PITPNC1: variants seen among roughly 807,000 people sequenced by gnomAD.
PITPNC1 encodes cytoplasmic phosphatidylinositol transfer protein 1.
PITPNC1 carries 18 observed loss-of-function variants against 44.7 expected under a neutral mutation model. The observed-to-expected ratio is 0.40, with a 90% CI of 0.28 to 0.60. The LOEUF (loss-of-function observed/expected upper bound fraction) is 0.60, where lower values mean the gene tolerates loss of function less well. PITPNC1 is among the 20% of genes least tolerant of loss of function. The pLI, the probability that PITPNC1 is intolerant of heterozygous loss-of-function variation, is 0.39. For synonymous variants in PITPNC1, 141 were observed against 149.6 expected (o/e 0.94, Z 0.42); for missense variants, 290 against 418.4 (o/e 0.69, Z 2.68).
chr17:67,513,230 G>A (rs766661933), intron 1 of PITPNC1, among the ~76,000 whole-genome samples: 3 of 151,884 alleles, frequency 2.0e-5, no homozygotes, highest in South Asian at 4.2e-4. Flanking sequence ...CAGGCATGGC[G>A]GCGGGCGACT....
At chr17:67,404,607 T>C (rs2038369373) in intron 1 of PITPNC1, among the ~76,000 whole-genome samples, 1 of 152,210 alleles carries the variant, frequency 6.6e-6, no homozygotes, top group South Asian at 2.1e-4. Flanking sequence ...CCTGCATCCA[T>C]CCTGAGTTCT....
intron 5 of PITPNC1, among the ~76,000 whole-genome samples, chr17:67,607,810 C>A (rs760829748): frequency 6.4e-4 from 97 of 151,246 alleles, no homozygotes; most frequent in Non-Finnish European, 1.1e-3. Context: ...CTCACTGCAA[C>A]CTCTGCCTCC....
At position 67,604,913 on chromosome 17, in the gene PITPNC1, C is replaced by T. The variant is rs1321848874; in HGVS notation, c.366+26656C>T. 2.6e-5 allele frequency among the ~76,000 whole-genome samples: 4 copies of T among 152,060 alleles called. No homozygotes were observed. In the East Asian group the frequency reaches 7.7e-4, roughly 29 times the overall value. On this transcript the variant is annotated intron_variant, in intron 5 of 8. Transcript: ENST00000581322. ...TGGCCAACATCATGAAGCCCCATCT[C>T]TACTAAAAATAAAAAATTAGCTGGG...
intron 5 of PITPNC1, among the ~76,000 whole-genome samples, chr17:67,616,969 G>A (rs1338856629): frequency 6.6e-6 from 1 of 152,130 alleles, no homozygotes; most frequent in Non-Finnish European, 1.5e-5. Context: ...GACCTTTGGG[G>A]TGGGCAGAGA....
At chr17:67,691,060 G>A (rs751978555) in intron 8 of PITPNC1, among the ~76,000 whole-genome samples, 8 of 151,894 alleles carry the variant, frequency 5.3e-5, no homozygotes, top group Non-Finnish European at 8.8e-5. Flanking sequence ...CCAAGATCAC[G>A]CCATTGCACT....
intron 2 of PITPNC1, among the ~76,000 whole-genome samples, chr17:67,551,452 G>A (rs1273321608): frequency 2.0e-5 from 3 of 152,124 alleles, no homozygotes; most frequent in Non-Finnish European, 2.9e-5. Flanking sequence ...AATCTGTCCC[G>A]GGCCTCTGTC....
At chr17:67,441,588 T>C (rs2143923273) in intron 1 of PITPNC1, among the ~76,000 whole-genome samples, 1 of 152,326 alleles carries the variant, frequency 6.6e-6, no homozygotes, top group Non-Finnish European at 1.5e-5. Flanking sequence ...ACAACACTTT[T>C]GTCAGCCTTT....
At chr17:67,422,800 A>G (rs1236778133) in intron 1 of PITPNC1, among the ~76,000 whole-genome samples, 2 of 152,088 alleles carry the variant, frequency 1.3e-5, no homozygotes, top group African/African-American at 2.4e-5. Flanking sequence ...CAGCCTCCCA[A>G]AGTGCTGGGA....
At chr17:67,558,024 C>T (rs1176433300) in intron 4 of PITPNC1, among the ~76,000 whole-genome samples, 2 of 152,122 alleles carry the variant, frequency 1.3e-5, no homozygotes, top group African/African-American at 4.8e-5. Context: ...AAGCATTAGT[C>T]CAGAGCACGA....
At chr17:67,537,183 T>C (rs1420668700) in intron 2 of PITPNC1, among the ~76,000 whole-genome samples, 1 of 152,220 alleles carries the variant, frequency 6.6e-6, no homozygotes, top group Non-Finnish European at 1.5e-5. Flanking sequence ...TTAAGGATGC[T>C]TGTTATTACC....
intron 6 of PITPNC1, among the ~76,000 whole-genome samples, chr17:67,647,243 A>T (rs2042158341): frequency 6.6e-6 from 1 of 152,148 alleles, no homozygotes; most frequent in Non-Finnish European, 1.5e-5. Context: ...CTGTAAAAAA[A>T]ACCAAAAACT....
rs904957286 is a variant in PITPNC1 at position 67,434,000 on chromosome 17, C to T, written c.48+55798C>T. ...GGGTGGTCAGGATGGGGCAAGGGGC[C>T]GAGACCACAAATGGTCCTGCTCCTG... On this transcript the variant is annotated intron_variant, in intron 1 of 8. Coordinates refer to ENST00000581322, the MANE Select transcript of PITPNC1 (RefSeq NM_012417.4). Among the ~76,000 whole-genome samples the T allele has an allele frequency of 2.6e-5, 4 of 152,152 alleles. No homozygotes were observed. The East Asian group carries it at 5.8e-4, about 22-fold the overall frequency.
chr17:67,529,683 A>G (rs2040435444), intron 1 of PITPNC1, among the ~76,000 whole-genome samples: 1 of 152,328 alleles, frequency 6.6e-6, no homozygotes, highest in African/African-American at 2.4e-5. Context: ...CAAGTGGCTC[A>G]TGCCTGTAAT....
intron 1 of PITPNC1, among the ~76,000 whole-genome samples, chr17:67,425,960 G>C (rs968150275): frequency 1.3e-5 from 2 of 152,188 alleles, no homozygotes; most frequent in African/African-American, 4.8e-5. Context: ...AGGAGTGAGT[G>C]TGACTGTGTT....
At chr17:67,682,433 G>A (rs892148197) in intron 8 of PITPNC1, among the ~76,000 whole-genome samples, 1 of 152,076 alleles carries the variant, frequency 6.6e-6, no homozygotes, top group African/African-American at 2.4e-5. Context: ...AGAGGAGAAC[G>A]TTCTACTCAG....
At chr17:67,522,951 T>C (rs1023269094) in intron 1 of PITPNC1, among the ~76,000 whole-genome samples, 2 of 152,186 alleles carry the variant, frequency 1.3e-5, no homozygotes, top group African/African-American at 4.8e-5. Context: ...ATTACAGGCA[T>C]AGACTACCAT....
chr17:67,643,939 G>A (rs1487258391), intron 6 of PITPNC1, among the ~76,000 whole-genome samples: 2 of 152,202 alleles, frequency 1.3e-5, no homozygotes, highest in East Asian at 3.8e-4. Context: ...TTGTTTGCGT[G>A]TCGCTTTTCC....
At chr17:67,384,644 C>G (rs895936592) in intron 1 of PITPNC1, among the ~76,000 whole-genome samples, 4 of 152,180 alleles carry the variant, frequency 2.6e-5, no homozygotes, top group Non-Finnish European at 2.9e-5. Context: ...CCAGGATGGT[C>G]TCGATCTCCT....
At chr17:67,449,741 C>G (rs2039149816) in intron 1 of PITPNC1, among the ~76,000 whole-genome samples, 1 of 152,212 alleles carries the variant, frequency 6.6e-6, no homozygotes, top group South Asian at 2.1e-4. Context: ...TCCAAACAGT[C>G]AAATACGAAA....
Sources: allele counts gnomAD v4.1 joint callset (sites outside exome capture counted in the v4.1 genomes callset), GRCh38; gene constraint gnomAD v4.1.1; transcripts MANE v1.5; gene names NCBI Gene and HGNC (gene_info 2026-07-23, HGNC 2026-07-21).